MYH11: variants seen among roughly 807,000 people sequenced by gnomAD.
MYH11 encodes the protein myosin heavy chain 11.
A neutral mutation model predicts 246.6 loss-of-function variants in MYH11; 80 were observed. The ratio of observed to expected loss-of-function variants is 0.32; its 90% confidence interval spans 0.27 to 0.39. The LOEUF (loss-of-function observed/expected upper bound fraction) is 0.39, where lower values mean the gene tolerates loss of function less well. Among genes scored for constraint, MYH11 ranks in the 10% least tolerant of loss-of-function variants. MYH11 has a pLI of 1.00. For synonymous variants in MYH11, 1,071 were observed against 1,015.5 expected, an observed-to-expected ratio of 1.05 and a Z score of -1.04; for missense variants, 2,158 against 2,546.8, an observed-to-expected ratio of 0.85 and a Z score of 3.29.
intron 5 of MYH11, 96 bp downstream of exon 5, chr16:15,786,534 A>T: frequency 8.4e-7 from 1 of 1,190,140 alleles, no homozygotes; most frequent in Non-Finnish European, 1.3e-6. Context: ...ATGGGGCCTG[A>T]GTTCTTGCAA....
At chr16:15,733,893 G>A (rs772804859) in intron 26 of MYH11, among the ~76,000 whole-genome samples, 11 of 152,210 alleles carry the variant, frequency 7.2e-5, no homozygotes, top group Non-Finnish European at 1.3e-4. Flanking sequence ...GGAGCAGAAC[G>A]CTGTGCTCTA....
chr16:15,729,334 T>C (rs895073732), intron 27 of MYH11, among the ~76,000 whole-genome samples: 2 of 152,144 alleles, frequency 1.3e-5, no homozygotes, highest in South Asian at 2.1e-4. Flanking sequence ...AAGGCCTCTG[T>C]TTCCCTGCAC....
intron 9 of MYH11, among the ~76,000 whole-genome samples, chr16:15,767,869 A>G (rs983008878): frequency 5.5e-4 from 83 of 152,118 alleles, no homozygotes; most frequent in Non-Finnish European, 1.1e-3. Flanking sequence ...GAGGCAAGGA[A>G]CAGATCTCCC....
intron 1 of MYH11, among the ~76,000 whole-genome samples, chr16:15,852,374 C>T (rs2044352637): frequency 7.1e-6 from 1 of 140,158 alleles, no homozygotes; most frequent in Admixed American, 7.8e-5. Flanking sequence ...CACTCTTTGC[C>T]CAGGCTGGAG....
intron 27 of MYH11, among the ~76,000 whole-genome samples, chr16:15,732,087 G>A (rs866778257): frequency 1.3e-5 from 2 of 150,924 alleles, no homozygotes; most frequent in African/African-American, 2.4e-5. Flanking sequence ...TCAGCCTCCC[G>A]AGTAGCTGGG....
intron 2 of MYH11, among the ~76,000 whole-genome samples, chr16:15,827,211 G>A (rs1476232360): frequency 6.6e-6 from 1 of 152,038 alleles, no homozygotes; most frequent in Non-Finnish European, 1.5e-5. Flanking sequence ...AATCAGAGGG[G>A]GAGACAAGTA....
intron 3 of MYH11, among the ~76,000 whole-genome samples, chr16:15,813,637 C>T (rs1328348866): frequency 6.6e-6 from 1 of 152,068 alleles, no homozygotes; most frequent in Non-Finnish European, 1.5e-5. Flanking sequence ...TGAGTGCATG[C>T]ATTTAGCTCT....
chr16:15,831,310 T>C (rs2043729606), intron 2 of MYH11, among the ~76,000 whole-genome samples: 1 of 152,196 alleles, frequency 6.6e-6, no homozygotes, highest in Non-Finnish European at 1.5e-5. Context: ...TTATACACTA[T>C]TTTATTTCAT....
At chr16:15,743,853 A>C (rs1379636107) in intron 20 of MYH11, among the ~76,000 whole-genome samples, 2 of 152,214 alleles carry the variant, frequency 1.3e-5, no homozygotes, top group African/African-American at 2.4e-5. Context: ...ACTCAAGGGC[A>C]TATAAGGAGA....
intron 27 of MYH11, among the ~76,000 whole-genome samples, chr16:15,727,389 C>T (rs12596141): frequency 0.21 from 32,490 of 151,784 alleles, 3,928 homozygotes; most frequent in East Asian, 0.3. Flanking sequence ...TTAGTAGAGA[C>T]GAGGTTTCAC....
chr16:15,807,011 G>A (rs2043029948), intron 3 of MYH11, among the ~76,000 whole-genome samples: 1 of 151,978 alleles, frequency 6.6e-6, no homozygotes, highest in South Asian at 2.1e-4. Context: ...TGCCCAGGCT[G>A]AAGTGCAGTA....
At chr16:15,737,685 C>A in intron 24 of MYH11, 65 bp from the exon 25 acceptor site, 1 of 1,580,058 alleles carries the variant, frequency 6.3e-7, no homozygotes, top group Non-Finnish European at 8.6e-7. Context: ...AATGAGCCTT[C>A]CTGCCCAGGC....
At chr16:15,822,792 C>A (rs1269237124) in intron 3 of MYH11, among the ~76,000 whole-genome samples, 16 of 152,170 alleles carry the variant, frequency 1.1e-4, no homozygotes, top group Admixed American at 1.0e-3. Context: ...TTTGGAAAAA[C>A]CAGCATTAAC....
chr16:15,797,891 A>T (rs750118462), intron 4 of MYH11, among the ~76,000 whole-genome samples: 2 of 151,674 alleles, frequency 1.3e-5, no homozygotes, highest in Non-Finnish European at 2.9e-5. Context: ...TTTGTTAGTT[A>T]TTTTGCAGTT....
chr16:15,703,775 A>T lies in MYH11; in HGVS notation c.*216T>A. 1.6e-6 allele frequency: 1 copy of T among 633,674 alleles called. No individual in the cohort carries two copies. The highest frequency in any genetic ancestry group is 2.8e-6 in the Non-Finnish European group (1 of 359,686). The allele number at this position is 633,674 out of a possible 1,614,324, so 39.3% of individuals were successfully genotyped here. A position where few individuals can be genotyped will look rare whatever the true frequency, so the allele number is the denominator to read the frequency against. On this transcript the variant is annotated 3_prime_UTR_variant, in exon 41 of 41. Transcript: ENST00000300036. ...AGCTTATTTTTAAATTCTTGTATAG[A>T]TGAGGTTTTACTACGTTGCCCAGGC... is the stretch of plus-strand genomic sequence containing the variant.
chr16:15,808,043 G>A (rs2151333658), intron 3 of MYH11, among the ~76,000 whole-genome samples: 1 of 152,338 alleles, frequency 6.6e-6, no homozygotes, highest in African/African-American at 2.4e-5. Flanking sequence ...GGGATCCAGT[G>A]AGAGGTAATC....
chr16:15,780,474 C>CTTTTTTTTTT (rs71134460), intron 6 of MYH11, among the ~76,000 whole-genome samples: 11 of 69,008 alleles, frequency 1.6e-4, no homozygotes, highest in African/African-American at 5.5e-4. Context: ...GATTTTTACG[C>CTTTTTTTTTT]TTTTTTTTTT....
At chr16:15,820,099 T>C (rs1417026334) in intron 3 of MYH11, among the ~76,000 whole-genome samples, 1 of 152,056 alleles carries the variant, frequency 6.6e-6, no homozygotes, top group Admixed American at 6.6e-5. Flanking sequence ...TCCCACCACT[T>C]TGGGAGGCCG....
intron 9 of MYH11, among the ~76,000 whole-genome samples, chr16:15,764,387 C>A (rs377057877): frequency 6.6e-6 from 1 of 151,828 alleles, no homozygotes. Flanking sequence ...CTCATGCCTG[C>A]GACCCCAGCA....
Sources: allele counts gnomAD v4.1 joint callset (sites outside exome capture counted in the v4.1 genomes callset), GRCh38; gene constraint gnomAD v4.1.1; transcripts MANE v1.5; gene names NCBI Gene and HGNC (gene_info 2026-07-23, HGNC 2026-07-21).